IWS1: variants seen among roughly 807,000 people sequenced by gnomAD.
IWS1 encodes the protein protein IWS1 homolog.
IWS1 carries 27 observed loss-of-function variants against 86.7 expected under a neutral mutation model. The ratio of observed to expected loss-of-function variants is 0.31; its 90% CI spans 0.23 to 0.43. The LOEUF (loss-of-function observed/expected upper bound fraction) is 0.43, where lower values mean the gene tolerates loss of function less well. IWS1 is among the 20% of genes least tolerant of loss of function. The pLI is 1.00. For synonymous variants in IWS1, 313 were observed against 335.1 expected, an observed-to-expected ratio of 0.93 and a Z score of 0.72; for missense variants, 827 against 1,000.8, an observed-to-expected ratio of 0.83 and a Z score of 2.34.
chr2:127,523,199 G>T (rs1410118024), intron 2 of IWS1, among the ~76,000 whole-genome samples: 1 of 151,930 alleles, frequency 6.6e-6, no homozygotes, highest in Non-Finnish European at 1.5e-5. Flanking sequence ...TACAGAGTCA[G>T]ACCCTGTCTC....
chr2:127,494,744 TATTC>T (rs1558747085), intron 8 of IWS1, 124 bp downstream of exon 8: 4 of 461,458 alleles, frequency 8.7e-6, no homozygotes, highest in South Asian at 1.7e-4. Flanking sequence ...TAGGAAATTT[TATTC>T]ATTATCTTTC....
Position 127,496,139 on chromosome 2 carries a change from A to G in IWS1, c.1575T>C (p.Phe525=), listed in dbSNP as rs762551906. ...GCAACATCATCTCAAAATCTGACAG[A>G]AAGTCCATACTAAAGCAGTAAACAA... The part of the protein sequence containing the change: ...DNIKRGKHMD[F]LSDFEMMLQR... The change falls in exon 7 of 14, where the codon TTT becomes TTC. Residue 525 remains phenylalanine, a synonymous_variant. Coordinates refer to ENST00000295321, the MANE Select transcript of IWS1 (RefSeq NM_017969.3). 17 of 1,613,140 alleles carry G rather than the reference A, an allele frequency of 1.1e-5. No homozygotes were observed. Among genetic ancestry groups the G allele is most frequent in the African/African-American group, 2.7e-5 (2 of 74,862 alleles).
chr2:127,502,081 A>T lies in IWS1; in HGVS notation c.1467+734T>A, dbSNP rs334144. 5.9e-5 allele frequency among the ~76,000 whole-genome samples: 9 copies of T among 152,176 alleles called. No homozygotes were observed. In the East Asian group the frequency reaches 1.7e-3, roughly 29 times the overall value. The stretch of plus-strand genomic sequence containing the variant: ...TTTAATGTTATTTTTGTGTATAATA[A>T]GTACATATGAAAAACTTAAACCACT... On this transcript the variant is annotated intron_variant, in intron 5 of 13. Coordinates refer to ENST00000295321, the MANE Select transcript of IWS1 (RefSeq NM_017969.3).
intron 2 of IWS1, chr2:127,511,145 G>T (rs890015549): frequency 2.0e-5 from 3 of 152,108 alleles, no homozygotes; most frequent in African/African-American, 7.2e-5. Flanking sequence ...CTCGCCCCAT[G>T]AAGTCTCTTC....
intron 12 of IWS1, among the ~76,000 whole-genome samples, chr2:127,487,006 T>C (rs1334207682): frequency 6.6e-6 from 1 of 152,226 alleles, no homozygotes; most frequent in Non-Finnish European, 1.5e-5. Context: ...TTCTCTTGTA[T>C]AGTGGAGTCA....
intron 1 of IWS1, among the ~76,000 whole-genome samples, chr2:127,525,733 T>C (rs1457077369): frequency 6.6e-6 from 1 of 152,202 alleles, no homozygotes; most frequent in Non-Finnish European, 1.5e-5. Flanking sequence ...ACTCTATGCA[T>C]GCAACTGAAA....
In IWS1 at chr2:127,506,461, G is replaced by T. The variant is rs183452511; in HGVS notation, c.151-709C>A. ...TTCTTTTACACAGGAACATTCTTGG[G>T]TTTTATAAGGTTAAGATTATTTAAG... On this transcript the variant is annotated intron_variant, in intron 2 of 13. Transcript: ENST00000295321. 4.6e-3 allele frequency among the ~76,000 whole-genome samples: 700 copies of T among 152,212 alleles called. 7 individuals are homozygous for T. The highest frequency in any genetic ancestry group is 0.016 in the African/African-American group (674 of 41,536).
chr2:127,512,929 T>C (rs1482466389), intron 2 of IWS1, among the ~76,000 whole-genome samples: 2 of 152,196 alleles, frequency 1.3e-5, no homozygotes, highest in Admixed American at 6.5e-5. Context: ...TTTTGGGAAA[T>C]GCATTCCAAT....
intron 2 of IWS1, chr2:127,514,963 C>T (rs1039526121): frequency 6.6e-6 from 1 of 152,230 alleles, no homozygotes; most frequent in East Asian, 1.9e-4. Flanking sequence ...TTCCTGCCAA[C>T]CGGAAGTGGC....
At chr2:127,490,182 C>T (rs1558742614) in intron 10 of IWS1, among the ~76,000 whole-genome samples, 1 of 152,102 alleles carries the variant, frequency 6.6e-6, no homozygotes, top group African/African-American at 2.4e-5. Flanking sequence ...AAGAAAGTAA[C>T]ATGTGATACA....
At chr2:127,488,835 A>G (rs1690067155) in intron 12 of IWS1, among the ~76,000 whole-genome samples, 1 of 152,092 alleles carries the variant, frequency 6.6e-6, no homozygotes, top group Non-Finnish European at 1.5e-5. Context: ...TGGCACACTT[A>G]GCCCATGGCT....
At chr2:127,498,357 G>T in intron 5 of IWS1, 120 bp from the exon 6 acceptor site, 1 of 912,470 alleles carries the variant, frequency 1.1e-6, no homozygotes, top group African/African-American at 1.7e-5. Context: ...ATATCAAAAG[G>T]TACATAACAA....
rs1354959344 is a variant in IWS1 at position 127,493,274 on chromosome 2, C to G, written c.1929+7G>C. On this transcript the variant is annotated splice_region_variant and intron_variant, in intron 9 of 13. Transcript: ENST00000295321. ...AATAAAGAACAGTCAGATTATCTGC[C>G]TCTAACCTCTTGCAGGATCTTCAGC... 6.2e-7 allele frequency: 1 copy of G among 1,608,998 alleles called. No individual in the cohort carries two copies. The highest frequency in any genetic ancestry group is 1.3e-5 in the African/African-American group (1 of 74,626).
chr2:127,485,014 G>GA (rs1407365192), intron 13 of IWS1, among the ~76,000 whole-genome samples: 8 of 151,364 alleles, frequency 5.3e-5, no homozygotes, highest in African/African-American at 1.5e-4. Flanking sequence ...AAAAGAAAAA[G>GA]AAAAAGAAAA....
In IWS1 at chr2:127,489,545, G is replaced by A. The variant is rs1055442868; in HGVS notation, c.2159+287C>T. On this transcript the variant is annotated intron_variant, in intron 11 of 13. Coordinates refer to ENST00000295321, the MANE Select transcript of IWS1 (RefSeq NM_017969.3). The surrounding 1 kb of genome is among the most constrained non-coding windows in gnomAD (Gnocchi z 4.8). ...TTTTTCTTCTAGGAACTCGGAAACG[G>A]GACCCAGAAAGTTGTTTTCTCAAGT... The A allele has an allele frequency of 8.0e-6, 4 of 498,110 alleles. No homozygotes were observed. The highest frequency in any genetic ancestry group is 3.8e-5 in the Admixed American group (1 of 26,576). 30.9% of individuals were successfully genotyped at this position (498,110 alleles called of 1,614,324 possible).
At chr2:127,487,295 A>G (rs1212819197) in intron 12 of IWS1, among the ~76,000 whole-genome samples, 1 of 152,220 alleles carries the variant, frequency 6.6e-6, no homozygotes, top group Non-Finnish European at 1.5e-5. Context: ...ACAGTACACT[A>G]ATCTTATTTA....
intron 2 of IWS1, among the ~76,000 whole-genome samples, chr2:127,515,752 G>C (rs1341434707): frequency 1.3e-5 from 2 of 152,144 alleles, no homozygotes; most frequent in African/African-American, 2.4e-5. Flanking sequence ...CTTGAACCAA[G>C]ATCAATCCCT....
At chr2:127,524,231 T>G (rs1573577044) in intron 1 of IWS1, among the ~76,000 whole-genome samples, 1 of 152,208 alleles carries the variant, frequency 6.6e-6, no homozygotes, top group South Asian at 2.1e-4. Flanking sequence ...GAACACTGCC[T>G]AGTACCTGAT....
intron 3 of IWS1, 150 bp downstream of exon 3, chr2:127,504,534 C>T: frequency 3.1e-6 from 2 of 637,470 alleles, no homozygotes; most frequent in Non-Finnish European, 5.4e-6. Flanking sequence ...TAATGATAAC[C>T]AGGGGAAATG....
Sources: gnomAD v4.1 joint callset for allele counts (sites outside exome capture counted in the v4.1 genomes callset) on GRCh38, gnomAD v4.1.1 for gene constraint, Gnocchi (gnomAD v3.1) non-coding constraint, MANE v1.5 for transcripts, NCBI Gene and HGNC (gene_info 2026-07-23, HGNC 2026-07-21) for gene names.